Variants in GLT1D1 observed in about 807,000 individuals in gnomAD.
The protein encoded by GLT1D1 is glycosyltransferase 1 domain containing 1.
Under a neutral mutation model 28.7 loss-of-function variants are expected in GLT1D1, and 21 were observed. The ratio of observed to expected loss-of-function variants is 0.73; its 90% CI spans 0.52 to 1.05. The LOEUF (loss-of-function observed/expected upper bound fraction) is 1.05. GLT1D1 is among the 50% of genes least tolerant of loss of function. The pLI is 0.00. For synonymous variants in GLT1D1, 147 were observed against 124.8 expected, an observed-to-expected ratio of 1.18 and a Z score of -1.19; for missense variants, 343 against 330.6, an observed-to-expected ratio of 1.04 and a Z score of -0.29.
At chr12:128,891,383 A>G (rs1328191147) in intron 3 of GLT1D1, among the ~76,000 whole-genome samples, 1 of 152,158 alleles carries the variant, frequency 6.6e-6, no homozygotes, top group South Asian at 2.1e-4. Context: ...AGAAAGCTTC[A>G]CCTGTGTCTA....
At chr12:128,956,035 T>A (rs1463399774) in intron 6 of GLT1D1, among the ~76,000 whole-genome samples, 1 of 151,082 alleles carries the variant, frequency 6.6e-6, no homozygotes, top group Non-Finnish European at 1.5e-5. Flanking sequence ...GGCGGGCGCC[T>A]GTAGTCCCAG....
intron 4 of GLT1D1, among the ~76,000 whole-genome samples, chr12:128,932,015 C>T (rs1873970212): frequency 6.6e-6 from 1 of 152,104 alleles, no homozygotes; most frequent in East Asian, 1.9e-4. Flanking sequence ...AGGAGGTCAT[C>T]GCGAAATGGG....
intron 1 of GLT1D1, among the ~76,000 whole-genome samples, chr12:128,874,124 C>CTTTCTT (rs1352539357): frequency 4.1e-4 from 16 of 39,276 alleles, no homozygotes; most frequent in African/African-American, 5.6e-4. Context: ...CTCTCTCTCT[C>CTTTCTT]TCTTTCTTTC....
In GLT1D1 at chr12:128,864,214, A is replaced by C. The variant is rs1956458897; in HGVS notation, c.68+10565A>C. 4.7e-6 allele frequency: 3 copies of C among 645,096 alleles called. No homozygotes were observed. In the Admixed American group the frequency reaches 7.0e-5, roughly 15 times the overall value. 40.0% of individuals were successfully genotyped at this position (645,096 alleles called of 1,614,324 possible). ...TGTTGAATTAGGGCAGTTGCAACCC[A>C]CGGGCACTCCGAGAGGCTTCCGGGC... On this transcript the variant is annotated intron_variant, in intron 1 of 7. Coordinates refer to ENST00000281703, the MANE Select transcript of GLT1D1 (RefSeq NM_144669.3).
chr12:128,950,886 G>C (rs1876624563), intron 6 of GLT1D1, among the ~76,000 whole-genome samples: 1 of 152,228 alleles, frequency 6.6e-6, no homozygotes, highest in Admixed American at 6.5e-5. Context: ...GACTGGGAGT[G>C]TGGGGAGTGG....
chr12:128,913,949 C>G (rs756323427), intron 4 of GLT1D1, among the ~76,000 whole-genome samples: 9 of 152,154 alleles, frequency 5.9e-5, no homozygotes, highest in African/African-American at 2.2e-4. Context: ...TACATGCAGT[C>G]GGAGCCCAGG....
chr12:128,893,608 C>T (rs905307423), intron 3 of GLT1D1, among the ~76,000 whole-genome samples: 8 of 151,864 alleles, frequency 5.3e-5, no homozygotes, highest in Non-Finnish European at 1.2e-4. Flanking sequence ...TTTTTGGACA[C>T]AGAGTCTTAC....
intron 1 of GLT1D1, among the ~76,000 whole-genome samples, chr12:128,874,678 T>C (rs1956830871): frequency 2.0e-5 from 3 of 151,952 alleles, no homozygotes; most frequent in Non-Finnish European, 4.4e-5. Flanking sequence ...GAGACAGGGT[T>C]TCACCATATT....
intron 1 of GLT1D1, 92 bp from the exon 2 acceptor site, chr12:128,875,813 AACAACAACC>A: frequency 8.7e-7 from 1 of 1,145,548 alleles, no homozygotes; most frequent in Non-Finnish European, 1.2e-6. Context: ...CAACAACAAC[AACAACAACC>A]AAAAAAAAAA....
At chr12:128,977,956 T>C (rs762655777) in intron 7 of GLT1D1, among the ~76,000 whole-genome samples, 2 of 151,796 alleles carry the variant, frequency 1.3e-5, no homozygotes, top group Non-Finnish European at 2.9e-5. Flanking sequence ...CTAATTTTTT[T>C]GTATTTTTGG....
At chr12:128,964,739 G>C (rs1878295343) in intron 7 of GLT1D1, among the ~76,000 whole-genome samples, 6 of 152,334 alleles carry the variant, frequency 3.9e-5, no homozygotes, top group Admixed American at 3.9e-4. Context: ...TTATTAGTGT[G>C]AAGAGATTGC....
At chr12:128,971,951 C>G (rs1321738286) in intron 7 of GLT1D1, among the ~76,000 whole-genome samples, 1 of 148,006 alleles carries the variant, frequency 6.8e-6, no homozygotes, top group African/African-American at 2.5e-5. Flanking sequence ...TGAGTTTTGC[C>G]GGGAGAATCC....
rs1292980489 is a variant in GLT1D1 at position 128,984,682 on chromosome 12, G to A, written c.*1592G>A. ...GAGGGAGAGGCAGATCCTGGGCCGG[G>A]AGAGGATGGCCTGGTCTGAATCTGG... is the stretch of plus-strand genomic sequence containing the variant. On this transcript the variant is annotated 3_prime_UTR_variant, in exon 8 of 8. Coordinates refer to ENST00000281703, the MANE Select transcript of GLT1D1 (RefSeq NM_144669.3). 1.3e-5 allele frequency: 2 copies of A among 152,390 alleles called. No individual in the cohort carries two copies. Among genetic ancestry groups the A allele is most frequent in the African/African-American group, 4.8e-5 (2 of 41,408 alleles). 9.4% of individuals were successfully genotyped at this position (152,390 alleles called of 1,614,324 possible). A position where few individuals can be genotyped will look rare whatever the true frequency, so the allele number is the denominator to read the frequency against.
chr12:128,947,406 T>C lies in GLT1D1; in HGVS notation c.488T>C (p.Phe163Ser). 6.2e-7 allele frequency: 1 copy of C among 1,614,154 alleles called. No homozygotes were observed. The highest frequency in any genetic ancestry group is 8.5e-7 in the Non-Finnish European group (1 of 1,180,016). Residue 163 changes from phenylalanine to serine, a missense_variant, in exon 6 of 8, where the codon TTC becomes TCC. By Grantham distance (155) the Phe-to-Ser change is radical. Transcript: ENST00000281703. ...CTGCACGCGGTGGTGAAGAATTGCT[T>C]CGCGGTGGTGAATAGCTCTGTCTCT... is the stretch of plus-strand genomic sequence containing the variant.
At chr12:128,879,406 C>CTTTCT (rs1566096416) in intron 2 of GLT1D1, among the ~76,000 whole-genome samples, 1 of 90,706 alleles carries the variant, frequency 1.1e-5, no homozygotes, top group Non-Finnish European at 2.1e-5. Flanking sequence ...TTCTTTCTTT[C>CTTTCT]TTTCTTTCTT....
rs189725126 is a variant in GLT1D1, at chr12:128,892,500, A to G, written c.323+3756A>G. Reference sequence around the variant, plus strand: ...TTCTGTTTACTAGAAACAACATTGAATGAATCCATCTTACAGTATTATTAT... The same window carrying G: ...TTCTGTTTACTAGAAACAACATTGAGTGAATCCATCTTACAGTATTATTAT... On this transcript the variant is annotated intron_variant, in intron 3 of 7. Transcript: ENST00000281703. Among the ~76,000 whole-genome samples the G allele has an allele frequency of 2.0e-5, 3 of 152,336 alleles. No individual in the cohort carries two copies. The East Asian group carries it at 5.8e-4, about 29-fold the overall frequency.
chr12:128,922,501 A>C (rs1389363542), intron 4 of GLT1D1, among the ~76,000 whole-genome samples: 2 of 152,204 alleles, frequency 1.3e-5, no homozygotes, highest in East Asian at 3.8e-4. Context: ...CCTCATATTC[A>C]AATGCCTAAC....
intron 4 of GLT1D1, among the ~76,000 whole-genome samples, chr12:128,932,691 C>G (rs143497333): frequency 6.6e-6 from 1 of 152,114 alleles, no homozygotes; most frequent in Non-Finnish European, 1.5e-5. Flanking sequence ...TTGCTGAAAC[C>G]GCGGCTCCCA....
intron 4 of GLT1D1, among the ~76,000 whole-genome samples, chr12:128,919,469 G>A (rs1872435031): frequency 6.6e-6 from 1 of 152,014 alleles, no homozygotes. Context: ...CTCCTCTTCC[G>A]GCATGTCACA....
Sources: gnomAD v4.1 joint callset for allele counts (sites outside exome capture counted in the v4.1 genomes callset) on GRCh38, gnomAD v4.1.1 for gene constraint, MANE v1.5 for transcripts, NCBI Gene and HGNC (gene_info 2026-07-23, HGNC 2026-07-21) for gene names.